The following ZNF695 variants were observed in gnomAD, a reference collection of about 807,000 sequenced individuals.
The protein encoded by ZNF695 is zinc finger protein SBZF3.
Under a neutral mutation model 11.2 loss-of-function variants are expected in ZNF695, and 11 were observed. The ratio of observed to expected loss-of-function variants is 0.98; its 90% CI spans 0.62 to 1.62. The LOEUF (loss-of-function observed/expected upper bound fraction) is 1.62. Ranked by LOEUF, ZNF695 falls within the 40% of genes most tolerant of loss-of-function variation. The probability of loss-of-function intolerance (pLI) is 0.00; values close to 1 mark genes in which losing one functional copy is unlikely to be tolerated. For synonymous variants in ZNF695, 190 were observed against 201.4 expected (o/e 0.94, Z 0.48); for missense variants, 559 against 590.5 (o/e 0.95, Z 0.55).
rs569318287 is a variant in ZNF695, at chr1:246,989,025, C to T, written c.260-770G>A. On this transcript the variant is annotated intron_variant, in intron 3 of 3. Coordinates refer to ENST00000339986, the MANE Select transcript of ZNF695 (RefSeq NM_020394.5). ...AGAAGAATAGCGTGAACCCGGGAGGCGGAGCTTGTAGTGAGCCAAGATCGC... is the reference window on the plus strand; with the variant it reads ...AGAAGAATAGCGTGAACCCGGGAGGTGGAGCTTGTAGTGAGCCAAGATCGC... Among the ~76,000 whole-genome samples the T allele has an allele frequency of 1.9e-3, 268 of 144,240 alleles. 1 individual carries two copies. Among genetic ancestry groups the T allele is most frequent in the African/African-American group, 5.8e-3 (227 of 39,338 alleles). The allele number at this position is 144,240 out of a possible 152,430, so 94.6% of individuals were successfully genotyped here.
At chr1:246,978,215 C>T (rs182838588) in intron 4 of ZNF695, among the ~76,000 whole-genome samples, 1 of 152,268 alleles carries the variant, frequency 6.6e-6, no homozygotes, top group Non-Finnish European at 1.5e-5. Context: ...TATGAAAAAA[C>T]CCTCAAATTC....
At chr1:246,988,481 C>T (rs1276962340) in intron 3 of ZNF695, among the ~76,000 whole-genome samples, 2 of 152,082 alleles carry the variant, frequency 1.3e-5, no homozygotes, top group African/African-American at 2.4e-5. Flanking sequence ...TACAATGAAG[C>T]TCCAGTACGC....
At chr1:246,967,442 A>C (rs753780869) in intron 5 of ZNF695, 1 of 456,496 alleles carries the variant, frequency 2.2e-6, no homozygotes, top group South Asian at 1.5e-5. Flanking sequence ...AAGGTCAGAT[A>C]GGATCTCCTA....
At position 246,958,350 on chromosome 1, in the gene ZNF695, A is replaced by G. The variant is rs114911807; in HGVS notation, c.488+9345T>C. 9.6e-3 allele frequency among the ~76,000 whole-genome samples: 1,462 copies of G among 152,034 alleles called. 13 individuals are homozygous for G. Among genetic ancestry groups the G allele is most frequent in the South Asian group, 0.029 (139 of 4,818 alleles). On this transcript the variant is annotated intron_variant, in intron 5 of 5. Coordinates refer to the ZNF695 transcript ENST00000487338. ...TGGGATTACAGGCGTGAGCCACTGCACCCAGCCGGGACTTGTCTTATGATT... is the reference window on the plus strand; with the variant it reads ...TGGGATTACAGGCGTGAGCCACTGCGCCCAGCCGGGACTTGTCTTATGATT...
At chr1:246,957,210 G>A (rs989094773) in intron 5 of ZNF695, among the ~76,000 whole-genome samples, 22 of 151,960 alleles carry the variant, frequency 1.4e-4, no homozygotes, top group Admixed American at 3.3e-4. Context: ...GTGAAACCCC[G>A]TCTTTACTAA....
chr1:246,988,184 G>A lies in ZNF695; in HGVS notation c.331C>T (p.Leu111=), dbSNP rs1247238766. ...AGACAACATCTTTCATATCTTCTCAGCATCACTTTTTGGAATGAAACTTGC... is the reference window on the plus strand; with the variant it reads ...AGACAACATCTTTCATATCTTCTCAACATCACTTTTTGGAATGAAACTTGC... ...GLQVSFQKVM[L]RRYERCCLEK... is the part of the protein sequence containing the mutation. The change falls in exon 4 of 4, where the codon CTG becomes TTG. Residue 111 remains leucine (L), a synonymous_variant. Transcript: ENST00000339986. 22 of 1,607,216 alleles carry A rather than the reference G, an allele frequency of 1.4e-5. No individual in the cohort carries two copies. The highest frequency in any genetic ancestry group is 2.2e-5 in the East Asian group (1 of 44,816).
intron 4 of ZNF695, among the ~76,000 whole-genome samples, chr1:246,974,279 C>T (rs1397702841): frequency 6.6e-6 from 1 of 152,080 alleles, no homozygotes; most frequent in Non-Finnish European, 1.5e-5. Context: ...ATCAGTTATT[C>T]GGGAAGACCA....
At chr1:246,959,324 T>TATATATAC (rs1469706165) in intron 5 of ZNF695, among the ~76,000 whole-genome samples, 1 of 49,228 alleles carries the variant, frequency 2.0e-5, no homozygotes, top group East Asian at 9.0e-4. Flanking sequence ...TATATATATA[T>TATATATAC]ATATATATAT....
chr1:246,975,626 A>T (rs976115424), intron 4 of ZNF695, among the ~76,000 whole-genome samples: 1 of 152,234 alleles, frequency 6.6e-6, no homozygotes, highest in Non-Finnish European at 1.5e-5. Context: ...GAAAGTTCAG[A>T]GTTTGGCATG....
chr1:246,957,110 C>A (rs1220201133), intron 5 of ZNF695, among the ~76,000 whole-genome samples: 1 of 152,230 alleles, frequency 6.6e-6, no homozygotes, highest in South Asian at 2.1e-4. Context: ...AGGCCGAGTG[C>A]GGTGGCTCAT....
chr1:246,956,082 G>A (rs1220150248), intron 5 of ZNF695, among the ~76,000 whole-genome samples: 3 of 150,764 alleles, frequency 2.0e-5, no homozygotes, highest in Admixed American at 2.0e-4. Context: ...TCCACCTCCT[G>A]GGTTCAAGCA....
At chr1:246,979,369 TC>T (rs774219427) in intron 4 of ZNF695, among the ~76,000 whole-genome samples, 4 of 152,158 alleles carry the variant, frequency 2.6e-5, no homozygotes, top group Non-Finnish European at 4.4e-5. Flanking sequence ...CCCTCGTTTC[TC>T]CTGATTCCGT....
chr1:247,005,701 C>A (rs1013659109), intron 1 of ZNF695, among the ~76,000 whole-genome samples: 4 of 151,648 alleles, frequency 2.6e-5, no homozygotes, highest in Non-Finnish European at 5.9e-5. Flanking sequence ...ACAAAAAAAA[C>A]GATAAAAAAC....
intron 5 of ZNF695, among the ~76,000 whole-genome samples, chr1:246,953,550 G>T (rs1667918056): frequency 6.6e-6 from 1 of 151,982 alleles, no homozygotes; most frequent in Non-Finnish European, 1.5e-5. Context: ...GGCAGAGGTT[G>T]CAGTGAGCCA....
intron 5 of ZNF695, among the ~76,000 whole-genome samples, chr1:246,946,861 G>C (rs1667745929): frequency 6.6e-6 from 1 of 152,170 alleles, no homozygotes; most frequent in African/African-American, 2.4e-5. Flanking sequence ...CAAAGAGTAG[G>C]CTGTGCGCGG....
At chr1:246,996,255 C>T (rs1572532607) in intron 3 of ZNF695, 1 of 278,308 alleles carries the variant, frequency 3.6e-6, no homozygotes. Flanking sequence ...ACCCAGGAGG[C>T]TGAGATGGGA....
At chr1:246,991,436 C>A (rs142068256) in intron 3 of ZNF695, among the ~76,000 whole-genome samples, 3 of 152,120 alleles carry the variant, frequency 2.0e-5, no homozygotes, top group East Asian at 3.8e-4. Flanking sequence ...GGAAAAAAAT[C>A]TAATAATCCG....
At chr1:246,953,054 T>C (rs921343739) in intron 5 of ZNF695, among the ~76,000 whole-genome samples, 1 of 152,184 alleles carries the variant, frequency 6.6e-6, no homozygotes, top group Non-Finnish European at 1.5e-5. Flanking sequence ...AGGTTCCCAA[T>C]GGCTGGACTG....
downstream of ZNF695, among the ~76,000 whole-genome samples, chr1:246,983,363 TA>T (rs979369548): frequency 5.3e-5 from 8 of 151,296 alleles, no homozygotes; most frequent in Non-Finnish European, 1.0e-4. Flanking sequence ...TACAAAACAA[TA>T]AAAAAAATTA....
Sources: allele counts gnomAD v4.1 joint callset (sites outside exome capture counted in the v4.1 genomes callset), GRCh38; gene constraint gnomAD v4.1.1; transcripts MANE v1.5; gene names NCBI Gene and HGNC (gene_info 2026-07-23, HGNC 2026-07-21).